Variants in TAFA5 observed in about 807,000 individuals in gnomAD.
The protein encoded by TAFA5 is TAFA chemokine like family member 5.
A neutral mutation model predicts 15.3 loss-of-function variants in TAFA5; 6 were observed. That is an observed-to-expected ratio of 0.39 (90% CI 0.21 to 0.77). The LOEUF is 0.77. TAFA5 is among the 30% of genes least tolerant of loss of function. The pLI, the probability that TAFA5 is intolerant of heterozygous loss-of-function variation, is 0.41. For missense variants in TAFA5, 161 were observed against 193.1 expected (o/e 0.83, Z 0.98); for synonymous variants, 103 against 80.7 (o/e 1.28, Z -1.48).
At chr22:48,738,905 C>A (rs6010516) in intron 3 of TAFA5, among the ~76,000 whole-genome samples, 33,491 of 152,040 alleles carry the variant, frequency 0.22, 3,972 homozygotes, top group Admixed American at 0.32. Context: ...CCTTCATGGC[C>A]CAAATGCATT....
chr22:48,489,672 T>C lies in TAFA5; in HGVS notation c.80T>C (p.Met27Thr). The C allele has an allele frequency of 6.5e-7, 1 of 1,530,018 alleles. No individual in the cohort carries two copies. The highest frequency in any genetic ancestry group is 8.8e-7 in the Non-Finnish European group (1 of 1,138,678). 94.8% of individuals were successfully genotyped at this position (1,530,018 alleles called of 1,614,324 possible). A position where few individuals can be genotyped will look rare whatever the true frequency, so the allele number is the denominator to read the frequency against. The change falls in exon 1 of 4, where the codon ATG (methionine) becomes ACG (threonine). Residue 27 changes from methionine (M) to threonine (T), a missense_variant. By Grantham distance (81) the Met-to-Thr change is moderately conservative. Coordinates refer to ENST00000402357, the MANE Select transcript of TAFA5 (RefSeq NM_001082967.3). This position sits in a 1 kb window ranked among gnomAD's most constrained non-coding sequence, Gnocchi z 5.5. ...PSMSSTFWAF[M>T]ILASLLIAYC... is the part of the protein sequence containing the mutation. ...ATGTCCTCAACTTTCTGGGCGTTCA[T>C]GATCCTGGCCAGCCTGCTCATCGCC...
chr22:48,714,058 C>T (rs2011402), intron 3 of TAFA5, among the ~76,000 whole-genome samples: 19,541 of 152,242 alleles, frequency 0.13, 1,665 homozygotes, highest in East Asian at 0.44. Context: ...AGTGCGTTCC[C>T]GTGCCAGGCC....
intron 2 of TAFA5, among the ~76,000 whole-genome samples, chr22:48,660,086 C>T (rs1442941808): frequency 6.6e-6 from 1 of 151,458 alleles, no homozygotes; most frequent in Admixed American, 6.6e-5. Context: ...GGTTCCCAGA[C>T]TCCAGTTCAC....
At chr22:48,624,684 G>A (rs1925966268) in intron 1 of TAFA5, among the ~76,000 whole-genome samples, 1 of 152,166 alleles carries the variant, frequency 6.6e-6, no homozygotes, top group African/African-American at 2.4e-5. Context: ...GTTTTGAGCT[G>A]TTCTTCACTT....
chr22:48,541,954 G>A (rs555402943), intron 1 of TAFA5, among the ~76,000 whole-genome samples: 7 of 152,300 alleles, frequency 4.6e-5, no homozygotes, highest in Admixed American at 1.3e-4. Flanking sequence ...GCTCCAGGAC[G>A]CCGAGTGCAG....
intron 3 of TAFA5, among the ~76,000 whole-genome samples, chr22:48,728,209 A>G (rs1186139890): frequency 2.0e-5 from 3 of 152,266 alleles, no homozygotes; most frequent in Non-Finnish European, 4.4e-5. Flanking sequence ...CTAGGAGAAG[A>G]AATGCACCAG....
At chr22:48,685,981 C>T (rs1015261870) in intron 2 of TAFA5, among the ~76,000 whole-genome samples, 4 of 148,366 alleles carry the variant, frequency 2.7e-5, no homozygotes, top group Non-Finnish European at 5.9e-5. Context: ...GCAGGCCCCA[C>T]GTGCGCCCCG....
intron 1 of TAFA5, among the ~76,000 whole-genome samples, chr22:48,574,802 G>A (rs1446605342): frequency 6.6e-6 from 1 of 152,222 alleles, no homozygotes; most frequent in Non-Finnish European, 1.5e-5. Flanking sequence ...CCCCTGACGA[G>A]GACACCTGTG....
At chr22:48,595,763 C>T (rs532800513) in intron 1 of TAFA5, among the ~76,000 whole-genome samples, 1 of 152,410 alleles carries the variant, frequency 6.6e-6, no homozygotes, top group East Asian at 1.9e-4. Context: ...ACGCTCACAT[C>T]AGCGTGCTCT....
intron 1 of TAFA5, among the ~76,000 whole-genome samples, chr22:48,543,093 G>C (rs1922520475): frequency 6.6e-6 from 1 of 151,968 alleles, no homozygotes; most frequent in South Asian, 2.1e-4. Flanking sequence ...AGAGTGGTCT[G>C]GGGTCTGCAT....
intron 2 of TAFA5, among the ~76,000 whole-genome samples, chr22:48,698,011 C>T (rs752146757): frequency 4.8e-5 from 7 of 145,084 alleles, no homozygotes; most frequent in African/African-American, 1.0e-4. Flanking sequence ...CATGATGGTG[C>T]GACGATGATG....
chr22:48,557,876 G>C (rs556294031), intron 1 of TAFA5, among the ~76,000 whole-genome samples: 1 of 152,342 alleles, frequency 6.6e-6, no homozygotes, highest in South Asian at 2.1e-4. Context: ...ATGGGTCCCA[G>C]GACCCCTGTC....
intron 2 of TAFA5, among the ~76,000 whole-genome samples, chr22:48,689,512 G>A (rs1428847360): frequency 1.3e-5 from 2 of 152,218 alleles, no homozygotes; most frequent in African/African-American, 4.8e-5. Flanking sequence ...AACCTGCGCA[G>A]ACTTGAGAGC....
intron 1 of TAFA5, among the ~76,000 whole-genome samples, chr22:48,496,561 C>A (rs771790409): frequency 6.6e-6 from 1 of 152,180 alleles, no homozygotes; most frequent in Non-Finnish European, 1.5e-5. Flanking sequence ...GGACGCCTGA[C>A]CAGCTGTGGG....
intron 2 of TAFA5, among the ~76,000 whole-genome samples, chr22:48,679,137 G>A (rs1173976417): frequency 9.2e-4 from 52 of 56,766 alleles, no homozygotes; most frequent in East Asian, 5.0e-3. Context: ...TCCCTCTCCC[G>A]GCTCCCTGTC....
chr22:48,577,102 G>A (rs1923840195), intron 1 of TAFA5, among the ~76,000 whole-genome samples: 1 of 152,240 alleles, frequency 6.6e-6, no homozygotes, highest in African/African-American at 2.4e-5. Context: ...TTGGGAAGCA[G>A]GGGCTTGGTC....
At chr22:48,496,502 T>G (rs5767172) in intron 1 of TAFA5, among the ~76,000 whole-genome samples, 61,274 of 152,002 alleles carry the variant, frequency 0.4, 13,621 homozygotes, top group African/African-American at 0.59. Context: ...GTGGAAACCC[T>G]TCTATACAAT....
At chr22:48,665,639 T>C (rs2147217660) in intron 2 of TAFA5, among the ~76,000 whole-genome samples, 1 of 152,236 alleles carries the variant, frequency 6.6e-6, no homozygotes, top group South Asian at 2.1e-4. Flanking sequence ...TATTGAAAAG[T>C]TCTAGCCTTT....
chr22:48,736,897 T>C (rs1389927777), intron 3 of TAFA5, among the ~76,000 whole-genome samples: 1 of 151,842 alleles, frequency 6.6e-6, no homozygotes, highest in Non-Finnish European at 1.5e-5. Context: ...TGTCCTAAAG[T>C]TGGCTGTGGT....
Sources: allele counts gnomAD v4.1 joint callset (sites outside exome capture counted in the v4.1 genomes callset), GRCh38; gene constraint gnomAD v4.1.1; non-coding constraint Gnocchi (gnomAD v3.1); transcripts MANE v1.5; gene names NCBI Gene and HGNC (gene_info 2026-07-23, HGNC 2026-07-21).